ULK4: variants seen among roughly 807,000 people sequenced by gnomAD.
ULK4 encodes the protein unc-51 like kinase 4, also known as inactive serine/threonine-protein kinase ULK4.
In ULK4, 133 loss-of-function variants were observed where a neutral mutation model predicts 160.6. The ratio of observed to expected loss-of-function variants is 0.83; its 90% CI spans 0.72 to 0.96. The LOEUF is 0.96. Ranked by LOEUF, ULK4 falls within the 40% of genes least tolerant of loss-of-function variation. The pLI is 0.00. For synonymous variants in ULK4, 534 were observed against 539.8 expected (o/e 0.99, Z 0.15); for missense variants, 1,580 against 1,499.5 (o/e 1.05, Z -0.89).
At chr3:41,470,032 A>C (rs1237027498) in intron 32 of ULK4, among the ~76,000 whole-genome samples, 5 of 146,012 alleles carry the variant, frequency 3.4e-5, no homozygotes, top group African/African-American at 1.2e-4. Context: ...AAAAAAAAAA[A>C]AAAAAAAAAA....
chr3:41,781,649 C>G (rs1375288387), intron 21 of ULK4, among the ~76,000 whole-genome samples: 3 of 152,146 alleles, frequency 2.0e-5, no homozygotes, highest in Non-Finnish European at 4.4e-5. Context: ...TGAAACAAAA[C>G]TGGCCATGGT....
At chr3:41,370,299 T>C (rs933768204) in intron 35 of ULK4, among the ~76,000 whole-genome samples, 4 of 152,188 alleles carry the variant, frequency 2.6e-5, no homozygotes, top group Admixed American at 2.6e-4. Context: ...AAGTGTTTCA[T>C]AGAAAGAAAC....
At chr3:41,382,439 G>C (rs2081678568) in intron 35 of ULK4, among the ~76,000 whole-genome samples, 2 of 152,092 alleles carry the variant, frequency 1.3e-5, no homozygotes, top group African/African-American at 4.8e-5. Flanking sequence ...AATTCACTTT[G>C]ATAAATGTTA....
chr3:41,678,640 T>C (rs944935997), intron 29 of ULK4, among the ~76,000 whole-genome samples: 1 of 152,238 alleles, frequency 6.6e-6, no homozygotes, highest in Non-Finnish European at 1.5e-5. Context: ...TTTTATAAGT[T>C]AATTTGAATT....
intron 17 of ULK4, among the ~76,000 whole-genome samples, chr3:41,878,312 G>A (rs1250790758): frequency 6.6e-6 from 1 of 152,134 alleles, no homozygotes; most frequent in Admixed American, 6.5e-5. Flanking sequence ...CCACTGGATG[G>A]AGATGAAACA....
intron 31 of ULK4, among the ~76,000 whole-genome samples, chr3:41,593,059 A>C (rs2031460892): frequency 6.6e-6 from 1 of 152,076 alleles, no homozygotes; most frequent in Non-Finnish European, 1.5e-5. Flanking sequence ...ACAATCAGCT[A>C]TTTCTTCCCT....
intron 35 of ULK4, among the ~76,000 whole-genome samples, chr3:41,293,777 T>C (rs2079617465): frequency 6.6e-6 from 1 of 152,228 alleles, no homozygotes; most frequent in African/African-American, 2.4e-5. Context: ...TAACTTGTTA[T>C]CTATTCTTAG....
rs146460790 is a variant in ULK4 at position 41,842,104 on chromosome 3, C to A, written c.1657-6133G>T. ...TTATCCTATGACCCTGCCACATCCC[C>A]CTCTCTGAGAAAACCCAAGAATGAT... is the stretch of plus-strand genomic sequence containing the variant. On this transcript the variant is annotated intron_variant, in intron 17 of 36. Transcript: ENST00000301831. Among the ~76,000 whole-genome samples, 1,238 of 150,678 alleles carry A rather than the reference C, an allele frequency of 8.2e-3. 9 individuals carry two copies. Among genetic ancestry groups the A allele is most frequent in the Middle Eastern group, 0.02 (6 of 294 alleles).
intron 22 of ULK4, among the ~76,000 whole-genome samples, chr3:41,722,806 C>T (rs1048682006): frequency 2.0e-5 from 3 of 152,042 alleles, no homozygotes; most frequent in Non-Finnish European, 4.4e-5. Context: ...GAATATATAA[C>T]CGTTTATTTA....
chr3:41,394,528 A>C (rs1390065747), intron 35 of ULK4, among the ~76,000 whole-genome samples: 1 of 152,146 alleles, frequency 6.6e-6, no homozygotes, highest in Non-Finnish European at 1.5e-5. Flanking sequence ...TCTAATACAA[A>C]GCCTACTTTG....
At chr3:41,745,587 C>T (rs190797694) in intron 22 of ULK4, among the ~76,000 whole-genome samples, 1 of 151,740 alleles carries the variant, frequency 6.6e-6, no homozygotes. Flanking sequence ...AAAATTAACA[C>T]ATTTCATACA....
At chr3:41,378,400 A>G (rs1378175581) in intron 35 of ULK4, among the ~76,000 whole-genome samples, 2 of 151,232 alleles carry the variant, frequency 1.3e-5, no homozygotes, top group Non-Finnish European at 2.9e-5. Context: ...GAATAAATAA[A>G]TAAAATAAAA....
rs9877186 is a variant in ULK4, at chr3:41,492,108, C to T, written c.3227-28855G>A. The stretch of plus-strand genomic sequence containing the variant: ...AGTATTCCATGGTGTATATGTGACA[C>T]ATTTTCTTAATCCACTCTATCATTG... On this transcript the variant is annotated intron_variant, in intron 32 of 36. Transcript: ENST00000301831. Among the ~76,000 whole-genome samples, 9 of 148,214 alleles carry T rather than the reference C, an allele frequency of 6.1e-5. No individual in the cohort carries two copies. The Admixed American group carries it at 6.2e-4, about 10-fold the overall frequency.
At chr3:41,651,253 G>A (rs913433023) in intron 30 of ULK4, among the ~76,000 whole-genome samples, 2 of 152,094 alleles carry the variant, frequency 1.3e-5, no homozygotes, top group African/African-American at 4.8e-5. Context: ...AAATACTGCA[G>A]CTAGCACTAG....
intron 32 of ULK4, among the ~76,000 whole-genome samples, chr3:41,465,254 C>T (rs1411790828): frequency 2.0e-5 from 3 of 152,148 alleles, no homozygotes; most frequent in African/African-American, 7.2e-5. Flanking sequence ...AGTCATGAGA[C>T]AGTTCAGCAA....
chr3:41,958,321 G>A (rs1023708821), intron 1 of ULK4, among the ~76,000 whole-genome samples: 30 of 152,232 alleles, frequency 2.0e-4, no homozygotes, highest in African/African-American at 6.7e-4. Context: ...TACTAAACTT[G>A]TACCCTTAAA....
chr3:41,497,897 T>A (rs1407007186), intron 32 of ULK4, among the ~76,000 whole-genome samples: 7 of 151,976 alleles, frequency 4.6e-5, no homozygotes, highest in Admixed American at 4.6e-4. Flanking sequence ...TCTAAAAAAA[T>A]AATAATATGT....
intron 27 of ULK4, chr3:41,688,021 CG>C (rs2036155691): frequency 6.6e-6 from 1 of 152,260 alleles, no homozygotes; most frequent in Admixed American, 6.5e-5. Flanking sequence ...ACTCCCCACC[CG>C]GAAGTTAACA....
chr3:41,868,814 C>CG (rs1696992909), intron 17 of ULK4, among the ~76,000 whole-genome samples: 4 of 151,818 alleles, frequency 2.6e-5, no homozygotes, highest in Admixed American at 2.6e-4. Flanking sequence ...TTTTTCCCCC[C>CG]CAATATGACA....
Sources: allele counts gnomAD v4.1 joint callset (sites outside exome capture counted in the v4.1 genomes callset), GRCh38; gene constraint gnomAD v4.1.1; transcripts MANE v1.5; gene names NCBI Gene and HGNC (gene_info 2026-07-23, HGNC 2026-07-21).